The following NFATC3 variants were observed in gnomAD, a reference collection of about 807,000 sequenced individuals.
NFATC3 encodes nuclear factor of activated T cells 3.
In NFATC3, 46 loss-of-function variants were observed where a neutral mutation model predicts 98.6. That is an observed-to-expected ratio of 0.47 (90% confidence interval 0.37 to 0.60). The LOEUF is 0.60. Among genes scored for constraint, NFATC3 ranks in the 20% least tolerant of loss-of-function variants. The probability of loss-of-function intolerance (pLI) is 0.00; values close to 1 mark genes in which losing one functional copy is unlikely to be tolerated. For missense variants in NFATC3, 1,256 were observed against 1,295.5 expected, an observed-to-expected ratio of 0.97 and a Z score of 0.47; for synonymous variants, 512 against 472.2, an observed-to-expected ratio of 1.08 and a Z score of -1.09.
At chr16:68,100,516 G>A (rs1272982161) in intron 1 of NFATC3, among the ~76,000 whole-genome samples, 1 of 152,006 alleles carries the variant, frequency 6.6e-6, no homozygotes, top group Non-Finnish European at 1.5e-5. Context: ...GGAGGTTGCA[G>A]TGTGCCAAGA....
chr16:68,195,297 C>T (rs1254527245), intron 9 of NFATC3, among the ~76,000 whole-genome samples: 1 of 152,096 alleles, frequency 6.6e-6, no homozygotes, highest in African/African-American at 2.4e-5. Flanking sequence ...TGTAGCCCCC[C>T]AGAGACTAGC....
At chr16:68,213,443 T>A (rs184607857) in intron 9 of NFATC3, among the ~76,000 whole-genome samples, 6 of 147,114 alleles carry the variant, frequency 4.1e-5, no homozygotes, top group Admixed American at 1.3e-4. Flanking sequence ...TAAATAAAAA[T>A]TAAAAAAAAT....
intron 3 of NFATC3, among the ~76,000 whole-genome samples, chr16:68,142,184 C>T (rs929077552): frequency 8.5e-5 from 13 of 152,050 alleles, no homozygotes; most frequent in East Asian, 1.9e-4. Flanking sequence ...GTCATTTTCA[C>T]GATACTGAGT....
intron 9 of NFATC3, among the ~76,000 whole-genome samples, chr16:68,223,098 T>A (rs1175600891): frequency 6.6e-6 from 1 of 152,258 alleles, no homozygotes; most frequent in Non-Finnish European, 1.5e-5. Context: ...ATGCAAAGCA[T>A]CCTCACAACT....
chr16:68,147,862 A>G (rs912373202), intron 3 of NFATC3, among the ~76,000 whole-genome samples: 3 of 151,612 alleles, frequency 2.0e-5, no homozygotes, highest in Non-Finnish European at 4.4e-5. Flanking sequence ...ATAAATCTGG[A>G]TGAATCTCAC....
chr16:68,085,423 G>A lies in NFATC3; in HGVS notation c.-259G>A, dbSNP rs2034310333. 3.4e-6 allele frequency: 1 copy of A among 291,254 alleles called. No individual in the cohort carries two copies. The highest frequency in any genetic ancestry group is 2.2e-5 in the African/African-American group (1 of 44,744). 18.0% of individuals were successfully genotyped at this position (291,254 alleles called of 1,614,324 possible). On this transcript the variant is annotated 5_prime_UTR_variant, in exon 1 of 10. Transcript: ENST00000346183. ...GTGGCGGCGACTGTGGGGGGGCGGC[G>A]GGGAACATTGGCTAAGCCGACAGTG...
At chr16:68,204,424 G>T (rs758654515) in intron 9 of NFATC3, among the ~76,000 whole-genome samples, 11 of 151,960 alleles carry the variant, frequency 7.2e-5, no homozygotes, top group African/African-American at 2.4e-4. Context: ...TATTTTTTTT[G>T]AACACTGTGC....
At chr16:68,186,973 C>G (rs2040230555) in intron 8 of NFATC3, among the ~76,000 whole-genome samples, 1 of 152,254 alleles carries the variant, frequency 6.6e-6, no homozygotes, top group African/African-American at 2.4e-5. Flanking sequence ...CCTTTGCCCA[C>G]AGCCCTCTGG....
In NFATC3 at chr16:68,166,955, A is replaced by G. The variant is rs761053007; in HGVS notation, c.1714A>G (p.Ile572Val). Residue 572 changes from isoleucine to valine, a missense_variant, in exon 5 of 10, where the codon ATC (isoleucine) becomes GTC (valine). By Grantham distance (29) the Ile-to-Val change is conservative. Around this residue, in one of 3 missense-constraint regions of NFATC3, gnomAD observed 636 missense variants for 617.3 expected, o/e 1.03. Coordinates refer to ENST00000346183, the MANE Select transcript of NFATC3 (RefSeq NM_173165.3). ...AGTACGACTTGTGTTTCGTGTACACATCCCACAGCCCAGTGGAAAAGTCCT... is the reference window on the plus strand; with the variant it reads ...AGTACGACTTGTGTTTCGTGTACACGTCCCACAGCCCAGTGGAAAAGTCCT... ...TRVRLVFRVH[I>V]PQPSGKVLSL... 1.9e-6 allele frequency: 3 copies of G among 1,614,222 alleles called. No homozygotes were observed. Among genetic ancestry groups the G allele is most frequent in the Non-Finnish European group, 2.5e-6 (3 of 1,180,036 alleles).
chr16:68,153,336 C>T (rs946115896), intron 3 of NFATC3, among the ~76,000 whole-genome samples: 1 of 152,092 alleles, frequency 6.6e-6, no homozygotes, highest in Non-Finnish European at 1.5e-5. Context: ...TCAGGAGAAT[C>T]GCTTGAACCC....
chr16:68,088,182 A>G (rs1191011067), intron 1 of NFATC3, among the ~76,000 whole-genome samples: 1 of 151,816 alleles, frequency 6.6e-6, no homozygotes, highest in Non-Finnish European at 1.5e-5. Context: ...TTGCTGGGTT[A>G]TATCAGTGTG....
chr16:68,124,501 C>G (rs764203485), intron 2 of NFATC3, among the ~76,000 whole-genome samples: 1 of 150,738 alleles, frequency 6.6e-6, no homozygotes, highest in African/African-American at 2.4e-5. Flanking sequence ...GGCGCGATCT[C>G]GGCTTACTGC....
Position 68,123,324 on chromosome 16 carries a change from T to G in NFATC3, c.1238+203T>G, listed in dbSNP as rs114228435. 5.5e-3 allele frequency among the ~76,000 whole-genome samples: 833 copies of G among 152,198 alleles called. 7 individuals carry two copies. The highest frequency in any genetic ancestry group is 0.019 in the African/African-American group (777 of 41,534). On this transcript the variant is annotated intron_variant, in intron 2 of 9. Transcript: ENST00000346183. ...ATTTTTAGATAGGTTAAATATAATT[T>G]TAAAATATATAGCTAATGAATTGTT...
At chr16:68,108,999 A>G (rs2035807717) in intron 1 of NFATC3, among the ~76,000 whole-genome samples, 1 of 152,168 alleles carries the variant, frequency 6.6e-6, no homozygotes, top group Non-Finnish European at 1.5e-5. Flanking sequence ...TTCTAGATAG[A>G]GGATCATGCC....
chr16:68,214,548 G>A, intron 9 of NFATC3: 1 of 763,186 alleles, frequency 1.3e-6, no homozygotes, highest in Non-Finnish European at 2.3e-6. Context: ...TTTCTGGTAG[G>A]CCCACTCATT....
intron 8 of NFATC3, among the ~76,000 whole-genome samples, chr16:68,189,576 A>T (rs890894340): frequency 3.9e-5 from 6 of 152,056 alleles, no homozygotes; most frequent in Non-Finnish European, 8.8e-5. Flanking sequence ...CATTTTTTTT[A>T]AAAAAAGATC....
intron 1 of NFATC3, among the ~76,000 whole-genome samples, chr16:68,103,848 G>C (rs1397114843): frequency 2.0e-5 from 3 of 152,054 alleles, no homozygotes; most frequent in Non-Finnish European, 4.4e-5. Flanking sequence ...AAATCAATTG[G>C]CCATAGATAT....
At chr16:68,131,636 G>C (rs2037118692) in intron 3 of NFATC3, among the ~76,000 whole-genome samples, 1 of 150,194 alleles carries the variant, frequency 6.7e-6, no homozygotes, top group Non-Finnish European at 1.5e-5. Context: ...CAGATACCAA[G>C]CACAATCAAG....
In NFATC3 at chr16:68,122,697, G is replaced by C; in HGVS notation, c.814G>C (p.Gly272Arg). Residue 272 changes from glycine to arginine, a missense_variant, in exon 2 of 10, where the codon GGG becomes CGG. Around this residue, in one of 3 missense-constraint regions of NFATC3, gnomAD observed 464 missense variants for 465.7 expected, o/e 1.00. Transcript: ENST00000346183. ...CTCATCAAGGCCCACATCCCCCTGT[G>C]GGAAACGGAGGCACTCCAGTGCTGA... ...GPSSRPTSPC[G>R]KRRHSSAEVC... The C allele has an allele frequency of 3.7e-6, 6 of 1,614,178 alleles. No homozygotes were observed. Among genetic ancestry groups the C allele is most frequent in the Non-Finnish European group, 5.1e-6 (6 of 1,180,036 alleles).
Sources: allele counts gnomAD v4.1 joint callset (sites outside exome capture counted in the v4.1 genomes callset), GRCh38; gene constraint gnomAD v4.1.1; regional missense constraint gnomAD v4.1.1; transcripts MANE v1.5; gene names NCBI Gene and HGNC (gene_info 2026-07-23, HGNC 2026-07-21).